BLOC1S3: variants seen among roughly 807,000 people sequenced by gnomAD.
BLOC1S3 encodes biogenesis of lysosome-related organelles complex 1 subunit 3.
In BLOC1S3, 7 loss-of-function variants were observed where a neutral mutation model predicts 9.1. That is an observed-to-expected ratio of 0.77 (90% confidence interval 0.44 to 1.45). The LOEUF (loss-of-function observed/expected upper bound fraction) is 1.45. BLOC1S3 is among the 40% of genes most tolerant of loss of function. The probability of loss-of-function intolerance (pLI) is 0.01; values close to 1 mark genes in which losing one functional copy is unlikely to be tolerated. For missense variants in BLOC1S3, 307 were observed against 315.2 expected (o/e 0.97, Z 0.20); for synonymous variants, 145 against 158.4 (o/e 0.92, Z 0.64).
chr19:45,200,521 G>C (rs767344379), intron 2 of BLOC1S3, among the ~76,000 whole-genome samples: 8 of 152,058 alleles, frequency 5.3e-5, no homozygotes, highest in Non-Finnish European at 1.0e-4. Context: ...CAATCTGTTT[G>C]GTTAATTTAT....
At chr19:45,181,997 T>C (rs1317548012), downstream of BLOC1S3, among the ~76,000 whole-genome samples, 1 of 152,178 alleles carries the variant, frequency 6.6e-6, no homozygotes, top group African/African-American at 2.4e-5. Context: ...ACGTTTTGGG[T>C]ACCTGACCTG....
chr19:45,203,346 TC>T (rs1276353144), intron 3 of BLOC1S3, among the ~76,000 whole-genome samples: 1 of 152,180 alleles, frequency 6.6e-6, no homozygotes, highest in Non-Finnish European at 1.5e-5. Context: ...TGCTCTCGGC[TC>T]ACTGCAATCT....
Position 45,179,812 on chromosome 19 carries a change from G to A in BLOC1S3, c.516G>A (p.Glu172=). ...LARGDLCALA[E]RLDIVAGCRL... is the part of the protein sequence containing the mutation. ...GCGGGGACCTTTGTGCGCTGGCCGAGCGTCTGGACATCGTGGCTGGCTGCC... is the reference window on the plus strand; with the variant it reads ...GCGGGGACCTTTGTGCGCTGGCCGAACGTCTGGACATCGTGGCTGGCTGCC... Residue 172 remains glutamate (E), a synonymous_variant, in exon 2 of 2, where the codon GAG becomes GAA. Coordinates refer to ENST00000433642, the MANE Select transcript of BLOC1S3 (RefSeq NM_212550.5). This position sits in a 1 kb window ranked among gnomAD's most constrained non-coding sequence, Gnocchi z 4.6. The A allele has an allele frequency of 6.2e-7, 1 of 1,605,964 alleles. No homozygotes were observed. The highest frequency in any genetic ancestry group is 8.5e-7 in the Non-Finnish European group (1 of 1,177,628).
chr19:45,183,232 C>A (rs1288376137), downstream of BLOC1S3, among the ~76,000 whole-genome samples: 1 of 151,682 alleles, frequency 6.6e-6, no homozygotes, highest in African/African-American at 2.4e-5. Flanking sequence ...GTAATTCCAG[C>A]ACTTTGGGAG....
At chr19:45,182,187 CA>C (rs1251897218), downstream of BLOC1S3, among the ~76,000 whole-genome samples, 3 of 151,810 alleles carry the variant, frequency 2.0e-5, no homozygotes, top group Admixed American at 1.3e-4. Flanking sequence ...ATTAAAAATA[CA>C]AAAATTTTGG....
intron 3 of BLOC1S3, among the ~76,000 whole-genome samples, chr19:45,209,757 T>C (rs1969754514): frequency 6.6e-6 from 1 of 150,970 alleles, no homozygotes; most frequent in African/African-American, 2.4e-5. Flanking sequence ...TCGCCCTTGT[T>C]GCCCAGGCTG....
chr19:45,192,966 T>A (rs190195200), intron 2 of BLOC1S3, among the ~76,000 whole-genome samples: 1 of 151,678 alleles, frequency 6.6e-6, no homozygotes, highest in East Asian at 1.9e-4. Flanking sequence ...AAACCCCGTG[T>A]CTACTAAACA....
At chr19:45,185,416 C>A (rs1969559776), downstream of BLOC1S3, among the ~76,000 whole-genome samples, 1 of 152,164 alleles carries the variant, frequency 6.6e-6, no homozygotes, top group Admixed American at 6.5e-5. Context: ...TCGGGCACAG[C>A]CTCCCTCCAA....
chr19:45,190,772 CTTTTA>C lies in BLOC1S3; in HGVS notation n.180+3077_180+3081del, dbSNP rs60943621. On this transcript the variant is annotated intron_variant and non_coding_transcript_variant, in intron 2 of 3. Coordinates refer to the BLOC1S3 transcript ENST00000591569. ...GTCTCTCTATGATTGGTCACTGATG[CTTTTA>C]TTTTATTTTATTTTATTTTATTTTA... 6.7e-3 allele frequency among the ~76,000 whole-genome samples: 642 copies of C among 95,176 alleles called. 18 individuals carry two copies. The highest frequency in any genetic ancestry group is 0.017 in the South Asian group (43 of 2,606). The allele number at this position is 95,176 out of a possible 152,430, so 62.4% of individuals were successfully genotyped here. A position where few individuals can be genotyped will look rare whatever the true frequency, so the allele number is the denominator to read the frequency against.
Position 45,216,215 on chromosome 19 carries a change from G to A in BLOC1S3, n.283-461G>A, listed in dbSNP as rs571051091. 354 of 1,612,156 alleles carry A rather than the reference G, an allele frequency of 2.2e-4. 5 individuals are homozygous for A. In the South Asian group the frequency reaches 3.6e-3, roughly 17 times the overall value. On this transcript the variant is annotated intron_variant and non_coding_transcript_variant, in intron 3 of 3. Transcript: ENST00000591569. ...GACTCCTGCAGGGGAGGGAGGGTGC[G>A]GGGTCACACCCTCCCAAGATTGACC...
At chr19:45,191,192 G>A (rs867962669) in intron 2 of BLOC1S3, among the ~76,000 whole-genome samples, 7 of 151,470 alleles carry the variant, frequency 4.6e-5, no homozygotes, top group South Asian at 4.2e-4. Context: ...GCACGATCTC[G>A]GCTCACCACA....
intron 3 of BLOC1S3, among the ~76,000 whole-genome samples, chr19:45,206,986 C>T (rs1969732263): frequency 6.6e-6 from 1 of 151,808 alleles, no homozygotes; most frequent in Non-Finnish European, 1.5e-5. Flanking sequence ...GGATTATAGG[C>T]GCCTGCCACC....
At position 45,178,799 on chromosome 19, in the gene BLOC1S3, C is replaced by T. The variant is rs543407501; in HGVS notation, c.-42C>T. 7.9e-4 allele frequency: 125 copies of T among 158,016 alleles called. No individual in the cohort carries two copies. The highest frequency in any genetic ancestry group is 2.5e-3 in the South Asian group (14 of 5,552). The allele number at this position is 158,016 out of a possible 1,614,324, so 9.8% of individuals were successfully genotyped here. A position where few individuals can be genotyped will look rare whatever the true frequency, so the allele number is the denominator to read the frequency against. ...AGAACGCAGCACTCGGGTTAGGAAGCGGATCTCGCAAGCTCCGAGCGTCAG... is the reference window on the plus strand; with the variant it reads ...AGAACGCAGCACTCGGGTTAGGAAGTGGATCTCGCAAGCTCCGAGCGTCAG... On this transcript the variant is annotated 5_prime_UTR_variant, in exon 1 of 2. Coordinates refer to ENST00000433642, the MANE Select transcript of BLOC1S3 (RefSeq NM_212550.5).
At chr19:45,213,153 GGGGAGGCGGCCCAGGAAGAGA>G in intron 3 of BLOC1S3, 2 of 1,590,944 alleles carry the variant, frequency 1.3e-6, no homozygotes, top group East Asian at 2.3e-5. Context: ...GCCGGGAGAG[GGGGAGGCGGCCCAGGAAGAGA>G]GGGAGGCTGA....
chr19:45,179,603 G>A lies in BLOC1S3; in HGVS notation c.307G>A (p.Ala103Thr). 6.8e-7 allele frequency: 1 copy of A among 1,473,388 alleles called. No individual in the cohort carries two copies. The highest frequency in any genetic ancestry group is 8.9e-7 in the Non-Finnish European group (1 of 1,119,018). 91.3% of individuals were successfully genotyped at this position (1,473,388 alleles called of 1,614,324 possible). Residue 103 changes from alanine (A) to threonine (T), a missense_variant, in exon 2 of 2, where the codon GCC becomes ACC. Ala to Thr is a moderately conservative substitution (Grantham distance 58). Coordinates refer to ENST00000433642, the MANE Select transcript of BLOC1S3 (RefSeq NM_212550.5). The surrounding 1 kb of genome is among the most constrained non-coding windows in gnomAD (Gnocchi z 4.6). ...AWGTEEAPAP[A>T]PARSLLQLRL... Reference sequence around the variant, plus strand: ...GGGCACGGAGGAGGCCCCGGCGCCCGCCCCCGCGCGCTCGCTCCTGCAACT... The same window carrying A: ...GGGCACGGAGGAGGCCCCGGCGCCCACCCCCGCGCGCTCGCTCCTGCAACT...
chr19:45,201,782 G>C (rs1435841225), intron 2 of BLOC1S3, among the ~76,000 whole-genome samples: 1 of 142,816 alleles, frequency 7.0e-6, no homozygotes, highest in African/African-American at 2.5e-5. Context: ...TGTTATAGGG[G>C]GTACCCAGTG....
At chr19:45,216,721 CCACGTCTG>C (rs1969839131) in exon 4 of BLOC1S3, 1 of 152,630 alleles carries the variant, frequency 6.6e-6, no homozygotes, top group South Asian at 2.1e-4. Context: ...CAAACCTCTT[CCACGTCTG>C]CAAAATCTTG....
chr19:45,194,469 G>A (rs751792700), intron 2 of BLOC1S3, among the ~76,000 whole-genome samples: 25 of 152,128 alleles, frequency 1.6e-4, no homozygotes, highest in Non-Finnish European at 3.2e-4. Flanking sequence ...ACCCGCGATC[G>A]TTCCATTTAT....
downstream of BLOC1S3, among the ~76,000 whole-genome samples, chr19:45,186,354 G>T (rs1969565701): frequency 6.6e-6 from 1 of 152,044 alleles, no homozygotes; most frequent in Non-Finnish European, 1.5e-5. Context: ...TTAGAGATGG[G>T]ATCTCACTAC....
Sources: gnomAD v4.1 joint callset for allele counts (sites outside exome capture counted in the v4.1 genomes callset) on GRCh38, gnomAD v4.1.1 for gene constraint, Gnocchi (gnomAD v3.1) non-coding constraint, MANE v1.5 for transcripts, NCBI Gene and HGNC (gene_info 2026-07-23, HGNC 2026-07-21) for gene names.